The following CNTN1 variants were observed in gnomAD, a reference collection of about 807,000 sequenced individuals.
CNTN1 encodes the protein contactin-1.
Under a neutral mutation model 126.4 loss-of-function variants are expected in CNTN1, and 38 were observed. That is an observed-to-expected ratio of 0.30 (90% CI 0.23 to 0.39). CNTN1 has a LOEUF of 0.39. Among genes scored for constraint, CNTN1 ranks in the 10% least tolerant of loss-of-function variants. The probability of loss-of-function intolerance (pLI) is 1.00; values close to 1 mark genes in which losing one functional copy is unlikely to be tolerated. For synonymous variants in CNTN1, 413 were observed against 422.6 expected, an observed-to-expected ratio of 0.98 and a Z score of 0.28; for missense variants, 1,009 against 1,248.4, an observed-to-expected ratio of 0.81 and a Z score of 2.89.
At chr12:40,755,362 T>C (rs1459452861) in intron 1 of CNTN1, among the ~76,000 whole-genome samples, 1 of 151,764 alleles carries the variant, frequency 6.6e-6, no homozygotes, top group Non-Finnish European at 1.5e-5. Flanking sequence ...AGAGAAGTAA[T>C]AGCAAGTTTG....
chr12:41,056,831 T>G (rs1949811711), intron 23 of CNTN1, among the ~76,000 whole-genome samples: 1 of 149,092 alleles, frequency 6.7e-6, no homozygotes, highest in Non-Finnish European at 1.5e-5. Flanking sequence ...AAGTATTATC[T>G]AAATATAACA....
intron 1 of CNTN1, among the ~76,000 whole-genome samples, chr12:40,875,815 C>A (rs1943649921): frequency 6.6e-6 from 1 of 151,976 alleles, no homozygotes; most frequent in African/African-American, 2.4e-5. Flanking sequence ...ATATAAGCTT[C>A]TATGAATATT....
At chr12:40,918,321 T>C (rs1357674836) in intron 3 of CNTN1, among the ~76,000 whole-genome samples, 1 of 152,066 alleles carries the variant, frequency 6.6e-6, no homozygotes, top group Non-Finnish European at 1.5e-5. Context: ...ACAAGAAAAG[T>C]AGAATGATGA....
At chr12:40,921,763 G>A (rs1945450685) in intron 4 of CNTN1, among the ~76,000 whole-genome samples, 1 of 152,152 alleles carries the variant, frequency 6.6e-6, no homozygotes, top group African/African-American at 2.4e-5. Context: ...ACCTCTAGTG[G>A]TCAGAATATG....
chr12:40,744,027 C>T (rs1417844643), intron 1 of CNTN1, among the ~76,000 whole-genome samples: 2 of 151,960 alleles, frequency 1.3e-5, no homozygotes, highest in Admixed American at 1.3e-4. Flanking sequence ...AGCAAACTAA[C>T]ACAGCAACAG....
At chr12:40,991,781 T>G (rs1312753292) in intron 16 of CNTN1, among the ~76,000 whole-genome samples, 1 of 152,214 alleles carries the variant, frequency 6.6e-6, no homozygotes, top group Non-Finnish European at 1.5e-5. Flanking sequence ...TAAGCAGAGA[T>G]CACGCAACTG....
chr12:40,852,608 A>G (rs923720300), intron 1 of CNTN1, among the ~76,000 whole-genome samples: 3 of 151,400 alleles, frequency 2.0e-5, no homozygotes, highest in Non-Finnish European at 4.4e-5. Flanking sequence ...TCCCAATGGC[A>G]TTTTTTTTCA....
At chr12:40,943,077 G>A (rs1464308969) in intron 12 of CNTN1, among the ~76,000 whole-genome samples, 1 of 152,072 alleles carries the variant, frequency 6.6e-6, no homozygotes, top group Non-Finnish European at 1.5e-5. Context: ...GAGGCTGACA[G>A]GTAGGGAAAT....
At chr12:40,935,412 A>C (rs1258345350) in intron 9 of CNTN1, among the ~76,000 whole-genome samples, 1 of 152,092 alleles carries the variant, frequency 6.6e-6, no homozygotes, top group Non-Finnish European at 1.5e-5. Flanking sequence ...GTGACAGAGC[A>C]CATATTTACA....
At chr12:40,744,065 A>G (rs1938064046) in intron 1 of CNTN1, among the ~76,000 whole-genome samples, 1 of 152,090 alleles carries the variant, frequency 6.6e-6, no homozygotes. Context: ...GTTTTCACTT[A>G]TAAGTGGAAG....
At chr12:40,962,096 T>C (rs1008207426) in intron 15 of CNTN1, among the ~76,000 whole-genome samples, 3 of 152,158 alleles carry the variant, frequency 2.0e-5, no homozygotes, top group African/African-American at 7.2e-5. Flanking sequence ...AACAAAATTA[T>C]TTCTGTGTAT....
chr12:40,726,032 C>T (rs951983261), intron 1 of CNTN1, among the ~76,000 whole-genome samples: 2 of 151,770 alleles, frequency 1.3e-5, no homozygotes, highest in Non-Finnish European at 2.9e-5. Context: ...GAGAAGACAT[C>T]AATACACAGG....
chr12:40,887,037 A>C (rs1160855714), intron 1 of CNTN1, among the ~76,000 whole-genome samples: 4 of 152,106 alleles, frequency 2.6e-5, no homozygotes, highest in Non-Finnish European at 5.9e-5. Context: ...CTTAGGATTG[A>C]CTTGGCAATG....
In CNTN1 at chr12:40,920,086, A is replaced by G. The variant is rs1006638299; in HGVS notation, c.227+1315A>G. 1.3e-5 allele frequency among the ~76,000 whole-genome samples: 2 copies of G among 152,324 alleles called. 1 individual carries two copies. The highest frequency in any genetic ancestry group is 1.3e-4 in the Admixed American group (2 of 15,294). On this transcript the variant is annotated intron_variant, in intron 4 of 23. Transcript: ENST00000551295. ...CAGTTTTTATGACTTCCAATGAGGT[A>G]TGCAATTTTTTCATTATTTATCTAT...
intron 7 of CNTN1, 111 bp from the exon 8 acceptor site, chr12:40,933,350 G>A (rs1390467286): frequency 5.0e-6 from 4 of 801,282 alleles, no homozygotes; most frequent in East Asian, 5.0e-5. Context: ...TACCTGTACA[G>A]AGAAAAGCTT....
At chr12:40,783,667 T>A (rs1939890813) in intron 1 of CNTN1, among the ~76,000 whole-genome samples, 1 of 152,096 alleles carries the variant, frequency 6.6e-6, no homozygotes, top group Non-Finnish European at 1.5e-5. Flanking sequence ...TAAAACAACT[T>A]GTATTTTAGA....
At chr12:40,957,749 A>G (rs1946943153) in intron 14 of CNTN1, among the ~76,000 whole-genome samples, 1 of 151,978 alleles carries the variant, frequency 6.6e-6, no homozygotes, top group African/African-American at 2.4e-5. Flanking sequence ...ATCGACATTA[A>G]ATTAAGACTG....
chr12:41,061,154 T>G (rs1949930295), intron 23 of CNTN1, among the ~76,000 whole-genome samples: 1 of 152,158 alleles, frequency 6.6e-6, no homozygotes, highest in African/African-American at 2.4e-5. Flanking sequence ...TAAGCCAGTT[T>G]TAAAAGTCCT....
chr12:40,720,600 A>T (rs1010520976), intron 1 of CNTN1, among the ~76,000 whole-genome samples: 1 of 152,208 alleles, frequency 6.6e-6, no homozygotes, highest in Non-Finnish European at 1.5e-5. Flanking sequence ...TCTCCTTGAA[A>T]GTTTAATAAT....
Sources: allele counts gnomAD v4.1 joint callset (sites outside exome capture counted in the v4.1 genomes callset), GRCh38; gene constraint gnomAD v4.1.1; transcripts MANE v1.5; gene names NCBI Gene and HGNC (gene_info 2026-07-23, HGNC 2026-07-21).